Variants in CSNK2A2IP observed in about 807,000 individuals in gnomAD.
The protein encoded by CSNK2A2IP is casein kinase II subunit alpha'-interacting protein.
the CSNK2A2IP span, among the ~76,000 whole-genome samples, chr3:88,375,957 G>A: frequency 1.1e-4 from 16 of 151,416 alleles, no homozygotes; most frequent in South Asian, 2.7e-3. Context: ...AGTTCCTTCC[G>A]CTGACCTCCT....
the CSNK2A2IP span, among the ~76,000 whole-genome samples, chr3:88,413,526 T>G: frequency 6.6e-6 from 1 of 152,028 alleles, no homozygotes; most frequent in Admixed American, 6.5e-5. Flanking sequence ...TCTTGGGAGA[T>G]GCATGCTGAA....
At chr3:88,398,091 A>C in the CSNK2A2IP span, among the ~76,000 whole-genome samples, 1 of 152,100 alleles carries the variant, frequency 6.6e-6, no homozygotes, top group African/African-American at 2.4e-5. Flanking sequence ...ACTACGTCCA[A>C]CTCAGAGAAA....
the CSNK2A2IP span, among the ~76,000 whole-genome samples, chr3:88,368,584 C>A: frequency 6.6e-6 from 1 of 151,910 alleles, no homozygotes. Flanking sequence ...ATTTCCTCCA[C>A]AAGAAACAAA....
At chr3:88,437,156 A>G in the CSNK2A2IP span, among the ~76,000 whole-genome samples, 1 of 152,158 alleles carries the variant, frequency 6.6e-6, no homozygotes, top group Admixed American at 6.6e-5. Context: ...ATTTCAAGTC[A>G]ATGCCAGTGT....
the CSNK2A2IP span, among the ~76,000 whole-genome samples, chr3:88,460,810 G>GGATGGT: frequency 6.6e-6 from 1 of 152,100 alleles, no homozygotes. Flanking sequence ...TTTTGAGGAT[G>GGATGGT]GACGCCATGG....
the CSNK2A2IP span, among the ~76,000 whole-genome samples, chr3:88,348,094 C>T: frequency 3.3e-5 from 5 of 152,046 alleles, no homozygotes; most frequent in Admixed American, 2.0e-4. Context: ...CTGGGGCCTT[C>T]GCTTTATTTC....
At chr3:88,447,756 C>T in the CSNK2A2IP span, among the ~76,000 whole-genome samples, 1 of 151,860 alleles carries the variant, frequency 6.6e-6, no homozygotes, top group African/African-American at 2.4e-5. Flanking sequence ...TTTTCTATGT[C>T]TTCTACTATG....
chr3:88,407,329 A>G, the CSNK2A2IP span, among the ~76,000 whole-genome samples: 1 of 149,632 alleles, frequency 6.7e-6, no homozygotes, highest in Non-Finnish European at 1.5e-5. Flanking sequence ...GGAGGGTCTG[A>G]ATGCATATTC....
the CSNK2A2IP span, among the ~76,000 whole-genome samples, chr3:88,343,580 G>A: frequency 1.3e-5 from 2 of 151,792 alleles, no homozygotes; most frequent in African/African-American, 4.8e-5. Context: ...ATCAAACAGG[G>A]CTACTTTTCA....
At chr3:88,465,958 T>C in the CSNK2A2IP span, 1 of 1,231,684 alleles carries the variant, frequency 8.1e-7, no homozygotes, top group Non-Finnish European at 1.0e-6. Flanking sequence ...CATTTGGACA[T>C]CATCTTCCTT....
At chr3:88,446,044 T>TTTCTTTCTTTCTC in the CSNK2A2IP span, among the ~76,000 whole-genome samples, 1 of 55,192 alleles carries the variant, frequency 1.8e-5, no homozygotes, top group Non-Finnish European at 4.3e-5. Flanking sequence ...CTTTCTTTCT[T>TTTCTTTCTTTCTC]TCTTTCTTTC....
chr3:88,378,178 C>T, the CSNK2A2IP span, among the ~76,000 whole-genome samples: 11 of 151,934 alleles, frequency 7.2e-5, no homozygotes, highest in African/African-American at 1.2e-4. Flanking sequence ...GTAACTTTCC[C>T]CCACTTTTAC....
At chr3:88,458,617 C>G in the CSNK2A2IP span, among the ~76,000 whole-genome samples, 1 of 130,484 alleles carries the variant, frequency 7.7e-6, no homozygotes, top group South Asian at 2.6e-4. Context: ...TTAATGTGCT[C>G]TTCTTTTTTT....
the CSNK2A2IP span, among the ~76,000 whole-genome samples, chr3:88,358,992 T>C: frequency 6.6e-6 from 1 of 151,866 alleles, no homozygotes. Context: ...GAGACTTTTT[T>C]GTCTTAAAAT....
At chr3:88,437,330 G>A in the CSNK2A2IP span, among the ~76,000 whole-genome samples, 1 of 152,144 alleles carries the variant, frequency 6.6e-6, no homozygotes, top group Non-Finnish European at 1.5e-5. Flanking sequence ...CATTAACAGA[G>A]TTAGACCAAA....
At chr3:88,380,553 T>A in the CSNK2A2IP span, among the ~76,000 whole-genome samples, 4 of 151,974 alleles carry the variant, frequency 2.6e-5, no homozygotes, top group African/African-American at 9.7e-5. Flanking sequence ...AAATATTTAT[T>A]TAAATAACAC....
At chr3:88,370,443 G>T in the CSNK2A2IP span, among the ~76,000 whole-genome samples, 1,512 of 151,894 alleles carry the variant, frequency 1.0e-2, 22 homozygotes, top group African/African-American at 0.035. Flanking sequence ...AATGACTTCT[G>T]TGCAAAGTTG....
At chr3:88,463,815 G>A in the CSNK2A2IP span, among the ~76,000 whole-genome samples, 1 of 152,034 alleles carries the variant, frequency 6.6e-6, no homozygotes, top group African/African-American at 2.4e-5. Context: ...TATACCCAAA[G>A]GATTATAAAT....
the CSNK2A2IP span, among the ~76,000 whole-genome samples, chr3:88,357,555 A>C: frequency 6.6e-6 from 1 of 152,080 alleles, no homozygotes; most frequent in South Asian, 2.1e-4. Context: ...TGCTTTGACT[A>C]TTTTGGGTCT....
Sources: allele counts gnomAD v4.1 joint callset (sites outside exome capture counted in the v4.1 genomes callset), GRCh38; gene constraint gnomAD v4.1.1; transcripts MANE v1.5; gene names NCBI Gene and HGNC (gene_info 2026-07-23, HGNC 2026-07-21).